The following ZCCHC2 variants were observed in gnomAD, a reference collection of about 807,000 sequenced individuals.
The protein encoded by ZCCHC2 is zinc finger CCHC-type containing 2.
A neutral mutation model predicts 103.6 loss-of-function variants in ZCCHC2; 39 were observed. That is an observed-to-expected ratio of 0.38 (90% CI 0.29 to 0.49). ZCCHC2 has a LOEUF of 0.49. Ranked by LOEUF, ZCCHC2 falls within the 20% of genes least tolerant of loss-of-function variation. The probability of loss-of-function intolerance (pLI) is 0.96; values close to 1 mark genes in which losing one functional copy is unlikely to be tolerated. For synonymous variants in ZCCHC2, 687 were observed against 608.9 expected (o/e 1.13, Z -1.89); for missense variants, 1,483 against 1,491.0 (o/e 0.99, Z 0.09).
In ZCCHC2 at chr18:62,575,125, G is replaced by A; in HGVS notation, c.3044G>A (p.Cys1015Tyr). The A allele has an allele frequency of 6.2e-7, 1 of 1,614,020 alleles. No individual in the cohort carries two copies. Among genetic ancestry groups the A allele is most frequent in the Non-Finnish European group, 8.5e-7 (1 of 1,179,892 alleles). ...QQMGSGPCGS[C>Y]GRRCSCGTNG... Reference sequence around the variant, plus strand: ...ATGGGCTCAGGTCCTTGTGGTTCTTGTGGGCGAAGGTGCAGCTGTGGGACC... The same window carrying A: ...ATGGGCTCAGGTCCTTGTGGTTCTTATGGGCGAAGGTGCAGCTGTGGGACC... The change falls in exon 13 of 14, where the codon TGT becomes TAT. Residue 1015 changes from cysteine to tyrosine, a missense_variant. This residue lies in a region of ZCCHC2 where 884 missense variants were observed against 907.5 expected (regional missense o/e 0.97). Coordinates refer to ENST00000269499, the MANE Select transcript of ZCCHC2 (RefSeq NM_017742.6).
intron 2 of ZCCHC2, 84 bp from the exon 3 acceptor site, chr18:62,542,414 G>C (rs1361833659): frequency 9.9e-7 from 1 of 1,009,724 alleles, no homozygotes; most frequent in Non-Finnish European, 1.5e-6. Flanking sequence ...TTAAGCACTT[G>C]TCAACTTTTA....
downstream of ZCCHC2, among the ~76,000 whole-genome samples, chr18:62,578,800 T>G (rs1916959199): frequency 6.6e-6 from 1 of 152,204 alleles, no homozygotes; most frequent in Admixed American, 6.5e-5. Flanking sequence ...GGGGTCTTGC[T>G]CTGTCGCCCA....
chr18:62,532,166 A>G (rs1004893099), intron 1 of ZCCHC2, among the ~76,000 whole-genome samples: 1 of 152,184 alleles, frequency 6.6e-6, no homozygotes, highest in Non-Finnish European at 1.5e-5. Flanking sequence ...ATCTCATTGA[A>G]TGTCAACTGT....
rs1239290887 is a variant in ZCCHC2 at position 62,563,529 on chromosome 18, C to A, written c.1686+385C>A. On this transcript the variant is annotated intron_variant, in intron 9 of 13. Coordinates refer to ENST00000269499, the MANE Select transcript of ZCCHC2 (RefSeq NM_017742.6). ...AAAATTAGCTGAGTGTGGTGGTACA[C>A]ACCTGTAGTCTCAGCTACTCGGGAG... Among the ~76,000 whole-genome samples, 6 of 152,130 alleles carry A rather than the reference C, an allele frequency of 3.9e-5. No homozygotes were observed. In the East Asian group the frequency reaches 1.2e-3, roughly 29 times the overall value.
exon 15 of ZCCHC2, chr18:62,585,070 C>G (rs79749462): frequency 0.13 from 19,033 of 152,226 alleles, 1,494 homozygotes; most frequent in African/African-American, 0.22. Flanking sequence ...TATCCCATAG[C>G]GAGGCCTCTT....
At chr18:62,550,505 CA>C (rs1196794440) in intron 5 of ZCCHC2, 45 bp downstream of exon 5, 12 of 1,438,402 alleles carry the variant, frequency 8.3e-6, no homozygotes, top group Non-Finnish European at 1.1e-5. Flanking sequence ...ACACACAGGA[CA>C]AAGGGCCGCT....
Position 62,574,537 on chromosome 18 carries a change from C to T in ZCCHC2, c.2456C>T (p.Pro819Leu), listed in dbSNP as rs779144237. ...ACAGTTCAGAGGCTAAAGTTGCCAC[C>T]ACCACAGGGATCTTCTGAGAGCTGC... Reference protein sequence around the residue: ...HLTVQRLKLPPPQGSSESCTV... With the variant: ...HLTVQRLKLPLPQGSSESCTV... Residue 819 changes from proline to leucine, a missense_variant, in exon 13 of 14, where the codon CCA becomes CTA. Pro to Leu is a moderately conservative substitution (Grantham distance 98, BLOSUM62 -3). Around this residue, in one of 3 missense-constraint regions of ZCCHC2, gnomAD observed 884 missense variants for 907.5 expected, o/e 0.97. Transcript: ENST00000269499. 1.2e-6 allele frequency: 2 copies of T among 1,613,984 alleles called. No individual in the cohort carries two copies. Among genetic ancestry groups the T allele is most frequent in the South Asian group, 2.2e-5 (2 of 91,090 alleles).
At chr18:62,566,657 G>A (rs540939872) in intron 11 of ZCCHC2, among the ~76,000 whole-genome samples, 6 of 152,116 alleles carry the variant, frequency 3.9e-5, no homozygotes, top group Admixed American at 6.5e-5. Context: ...CTGTTTTTTC[G>A]ATGTTAGCCC....
intron 12 of ZCCHC2, 73 bp from the exon 13 acceptor site, chr18:62,573,984 T>C (rs1015267447): frequency 7.6e-6 from 11 of 1,442,252 alleles, no homozygotes; most frequent in African/African-American, 1.4e-5. Context: ...TGAGGTATAC[T>C]CAATGTTTAT....
chr18:62,545,445 A>AC (rs1440040467), intron 4 of ZCCHC2, among the ~76,000 whole-genome samples: 1 of 151,604 alleles, frequency 6.6e-6, no homozygotes, highest in Non-Finnish European at 1.5e-5. Context: ...TCCCCACCTC[A>AC]CCCCCCATAT....
intron 4 of ZCCHC2, among the ~76,000 whole-genome samples, chr18:62,546,382 A>G (rs1188511492): frequency 1.3e-5 from 2 of 152,194 alleles, no homozygotes; most frequent in African/African-American, 2.4e-5. Context: ...ACCGCCACAC[A>G]CTTTTACAAG....
chr18:62,563,197 A>T (rs1916202836), intron 9 of ZCCHC2, 53 bp downstream of exon 9: 13 of 1,558,330 alleles, frequency 8.3e-6, no homozygotes, highest in Non-Finnish European at 1.0e-5. Context: ...GCTCCTCTAT[A>T]AGAAAAAAAT....
At chr18:62,560,436 AT>A in intron 7 of ZCCHC2, 150 bp from the exon 8 acceptor site, 1 of 494,056 alleles carries the variant, frequency 2.0e-6, no homozygotes, top group Non-Finnish European at 3.5e-6. Context: ...TTTTTGAAAA[AT>A]TGCTTAAGAT....
chr18:62,523,376 G>GGGGGGGCCCCCC lies in ZCCHC2; in HGVS notation c.-49_-48insGGGGGGCCCCCC. ...GCCTCGGCCCGTGCTCCACCTCGCG[G>GGGGGGGCCCCCC]CCCCTCCCGCCCGCCCCCGCTCGCA... On this transcript the variant is annotated 5_prime_UTR_variant, in exon 1 of 14. Transcript: ENST00000269499. 2.8e-5 allele frequency: 28 copies of GGGGGGGCCCCCC among 1,012,346 alleles called. No homozygotes were observed. The highest frequency in any genetic ancestry group is 2.9e-5 in the Non-Finnish European group (25 of 848,984). The allele number at this position is 1,012,346 out of a possible 1,614,324, so 62.7% of individuals were successfully genotyped here.
intron 10 of ZCCHC2, 48 bp downstream of exon 10, chr18:62,564,683 C>A: frequency 7.5e-7 from 1 of 1,338,714 alleles, no homozygotes; most frequent in Non-Finnish European, 1.0e-6. Flanking sequence ...GATAATAGGC[C>A]TGTTTAGTTT....
In ZCCHC2 at chr18:62,547,521, C is replaced by T. The variant is rs576539913; in HGVS notation, c.1200+2648C>T. 5.9e-5 allele frequency among the ~76,000 whole-genome samples: 9 copies of T among 151,764 alleles called. No homozygotes were observed. In the South Asian group the frequency reaches 1.9e-3, roughly 32 times the overall value. On this transcript the variant is annotated intron_variant, in intron 4 of 13. Transcript: ENST00000269499. ...AGCCTGTGTCCTTTGCATTCTGGCC[C>T]CCTTCACCTGTTTTTGTGGGTTTGT...
In ZCCHC2 at chr18:62,554,635, A is replaced by ATATCTGGGCTGTTGCCTGG. The variant is rs1397416254; in HGVS notation, c.1314-1567_1314-1549dup. Among the ~76,000 whole-genome samples, 3 of 152,186 alleles carry ATATCTGGGCTGTTGCCTGG rather than the reference A, an allele frequency of 2.0e-5. No individual in the cohort carries two copies. The East Asian group carries it at 5.8e-4, about 29-fold the overall frequency. ...GGATGTATACATAGTATTTGGAGTT[A>ATATCTGGGCTGTTGCCTGG]TATCTGGGCTGTTGCCTGGGACTCA... is the stretch of plus-strand genomic sequence containing the variant. On this transcript the variant is annotated intron_variant, in intron 5 of 13. Transcript: ENST00000269499.
At chr18:62,545,954 C>T (rs1915389575) in intron 4 of ZCCHC2, among the ~76,000 whole-genome samples, 1 of 152,134 alleles carries the variant, frequency 6.6e-6, no homozygotes, top group Non-Finnish European at 1.5e-5. Flanking sequence ...GTGTGAATTC[C>T]ACTGGATTTC....
chr18:62,548,268 T>C (rs1915503553), intron 4 of ZCCHC2, among the ~76,000 whole-genome samples: 1 of 152,150 alleles, frequency 6.6e-6, no homozygotes, highest in Non-Finnish European at 1.5e-5. Flanking sequence ...ATATATTTTT[T>C]TTAGCAAATG....
Sources: gnomAD v4.1 joint callset for allele counts (sites outside exome capture counted in the v4.1 genomes callset) on GRCh38, gnomAD v4.1.1 for gene constraint, gnomAD v4.1.1 regional missense constraint, MANE v1.5 for transcripts, NCBI Gene and HGNC (gene_info 2026-07-23, HGNC 2026-07-21) for gene names.